EXT2: variants seen among roughly 807,000 people sequenced by gnomAD.
EXT2 encodes exostosin-2.
EXT2 carries 53 observed loss-of-function variants against 81.6 expected under a neutral mutation model. That is an observed-to-expected ratio of 0.65 (90% confidence interval 0.52 to 0.82). EXT2 has a LOEUF of 0.82. Ranked by LOEUF, EXT2 falls within the 40% of genes least tolerant of loss-of-function variation. The pLI, the probability that EXT2 is intolerant of heterozygous loss-of-function variation, is 0.00. For missense variants in EXT2, 774 were observed against 910.2 expected, an observed-to-expected ratio of 0.85 and a Z score of 1.93; for synonymous variants, 320 against 340.0, an observed-to-expected ratio of 0.94 and a Z score of 0.65.
rs1383026378 is a variant in EXT2 at position 44,220,730 on chromosome 11, G to A, written c.1663-11623G>A. Reference sequence around the variant, plus strand: ...AGCTTGCATTGATTTACACCCCCAAGACTCACAGGGACCTGGAGAGAAAAT... The same window carrying A: ...AGCTTGCATTGATTTACACCCCCAAAACTCACAGGGACCTGGAGAGAAAAT... On this transcript the variant is annotated intron_variant, in intron 10 of 13. Coordinates refer to ENST00000533608, the MANE Select transcript of EXT2 (RefSeq NM_207122.2). This position sits in a 1 kb window ranked among gnomAD's most constrained non-coding sequence, Gnocchi z 4.4. 6.6e-6 allele frequency among the ~76,000 whole-genome samples: 1 copy of A among 152,142 alleles called. No homozygotes were observed. Among genetic ancestry groups the A allele is most frequent in the Non-Finnish European group, 1.5e-5 (1 of 68,032 alleles).
chr11:44,117,068 C>T (rs1414171558), intron 4 of EXT2, among the ~76,000 whole-genome samples: 1 of 151,188 alleles, frequency 6.6e-6, no homozygotes, highest in South Asian at 2.1e-4. Flanking sequence ...CTCCCAGATT[C>T]AAGCGATTCT....
At chr11:44,162,766 G>T (rs1457815430) in intron 7 of EXT2, among the ~76,000 whole-genome samples, 1 of 152,030 alleles carries the variant, frequency 6.6e-6, no homozygotes, top group South Asian at 2.1e-4. Context: ...GTAACTGATA[G>T]GTGAAGATGG....
intron 3 of EXT2, among the ~76,000 whole-genome samples, chr11:44,113,895 G>A (rs1470488833): frequency 6.6e-6 from 1 of 152,112 alleles, no homozygotes; most frequent in African/African-American, 2.4e-5. Context: ...ATCTGAGGGA[G>A]GTAGCAGAGA....
Position 44,244,256 on chromosome 11 carries a change from T to A in EXT2, c.2126T>A (p.Leu709Gln), listed in dbSNP as rs1956072366. Residue 709 changes from leucine (L) to glutamine (Q), a missense_variant, in exon 14 of 14, where the codon CTG becomes CAG. Leu to Gln is a moderately radical substitution (Grantham distance 113). Around this residue, in one of 2 missense-constraint regions of EXT2, gnomAD observed 148 missense variants for 239.7 expected, o/e 0.62. Transcript: ENST00000533608. ...VLYKDDFPEK[L>Q]KSFPNIGSL ...TACAAAGATGACTTTCCTGAGAAGC[T>A]GAAGAGCTTCCCCAACATTGGCAGC... 1.2e-6 allele frequency: 2 copies of A among 1,614,100 alleles called. No individual in the cohort carries two copies. Among genetic ancestry groups the A allele is most frequent in the Non-Finnish European group, 1.7e-6 (2 of 1,179,988 alleles).
At chr11:44,224,196 G>A (rs1955814396) in intron 10 of EXT2, among the ~76,000 whole-genome samples, 1 of 152,128 alleles carries the variant, frequency 6.6e-6, no homozygotes, top group Non-Finnish European at 1.5e-5. Flanking sequence ...GTATCTGTGA[G>A]TCAGATGCAT....
chr11:44,158,681 CTAA>C (rs1425756233), intron 7 of EXT2, among the ~76,000 whole-genome samples: 1 of 151,432 alleles, frequency 6.6e-6, no homozygotes, highest in Non-Finnish European at 1.5e-5. Context: ...TGCTTTTTCT[CTAA>C]TGCTCTTTCT....
intron 8 of EXT2, among the ~76,000 whole-genome samples, chr11:44,179,195 C>T (rs768659405): frequency 2.6e-5 from 4 of 152,084 alleles, no homozygotes; most frequent in Admixed American, 6.5e-5. Context: ...TATGAAAAGA[C>T]GGACTCGAGG....
intron 4 of EXT2, among the ~76,000 whole-genome samples, chr11:44,119,260 G>A (rs1457061285): frequency 6.7e-6 from 1 of 150,018 alleles, no homozygotes; most frequent in East Asian, 2.0e-4. Flanking sequence ...CAGTTACTAT[G>A]ATTTGCCAGG....
chr11:44,229,147 A>C (rs1273550773), intron 10 of EXT2, among the ~76,000 whole-genome samples: 1 of 152,186 alleles, frequency 6.6e-6, no homozygotes, highest in Non-Finnish European at 1.5e-5. Flanking sequence ...TGACTTGAAC[A>C]GGCAGGTGCT....
At chr11:44,148,465 G>A (rs183902186) in intron 7 of EXT2, among the ~76,000 whole-genome samples, 22 of 152,296 alleles carry the variant, frequency 1.4e-4, no homozygotes, top group African/African-American at 5.1e-4. Flanking sequence ...TTAGGAATCT[G>A]TGCAGCACCA....
At chr11:44,225,460 G>A (rs1176743213) in intron 10 of EXT2, among the ~76,000 whole-genome samples, 1 of 152,114 alleles carries the variant, frequency 6.6e-6, no homozygotes, top group African/African-American at 2.4e-5. Context: ...GAAGACTGAT[G>A]GGAGCAAAGG....
At chr11:44,243,618 C>CTTTTTTTTTTT (rs1215047805) in intron 13 of EXT2, among the ~76,000 whole-genome samples, 2 of 72,896 alleles carry the variant, frequency 2.7e-5, no homozygotes, top group African/African-American at 5.6e-5. Flanking sequence ...GCCCTGTCAC[C>CTTTTTTTTTTT]TTTTTTTTTT....
At chr11:44,119,297 G>A (rs1186694134) in intron 4 of EXT2, among the ~76,000 whole-genome samples, 1 of 151,526 alleles carries the variant, frequency 6.6e-6, no homozygotes, top group Non-Finnish European at 1.5e-5. Context: ...GCATATAATT[G>A]TACTAACGTC....
chr11:44,148,568 C>G (rs1041159829), intron 7 of EXT2, among the ~76,000 whole-genome samples: 8 of 152,130 alleles, frequency 5.3e-5, no homozygotes, highest in Admixed American at 5.2e-4. Context: ...GTCAGTGGCT[C>G]AATTTTCTCA....
At chr11:44,148,720 T>C (rs1412982092) in intron 7 of EXT2, among the ~76,000 whole-genome samples, 2 of 152,234 alleles carry the variant, frequency 1.3e-5, no homozygotes, top group African/African-American at 4.8e-5. Flanking sequence ...GGTATAGTTC[T>C]GAGTGCTATA....
intron 4 of EXT2, chr11:44,116,636 G>A (rs1954224643): frequency 6.6e-6 from 1 of 152,168 alleles, no homozygotes; most frequent in Admixed American, 6.5e-5. Context: ...CCATGTATGA[G>A]GGTTTCGATT....
At chr11:44,212,855 G>A (rs935209867) in intron 10 of EXT2, among the ~76,000 whole-genome samples, 2 of 152,288 alleles carry the variant, frequency 1.3e-5, no homozygotes, top group South Asian at 4.1e-4. Flanking sequence ...CCGTGTATAT[G>A]AAATTCTAGA....
intron 7 of EXT2, among the ~76,000 whole-genome samples, chr11:44,143,958 T>C (rs955347497): frequency 4.6e-5 from 7 of 152,164 alleles, no homozygotes; most frequent in Non-Finnish European, 7.3e-5. Context: ...GGGGATAAAG[T>C]GAGCTTTTGA....
At position 44,109,202 on chromosome 11, in the gene EXT2, G is replaced by A. The variant is rs563383543; in HGVS notation, c.545G>A (p.Arg182Gln). The A allele has an allele frequency of 2.5e-5, 40 of 1,613,918 alleles. No individual in the cohort carries two copies. The East Asian group carries it at 6.7e-4, about 27-fold the overall frequency. ...TTTAAATTTCTTGACAGGTGGGATC[G>A]AGGTACGAATCACCTGTTGTTCAAC... ...QAMAQLSRWD[R>Q]GTNHLLFNML... is the part of the protein sequence containing the mutation. Residue 182 changes from arginine to glutamine, a missense_variant, in exon 3 of 14, where the codon CGA (arginine) becomes CAA (glutamine). By Grantham distance (43) the Arg-to-Gln change is conservative. Around this residue, in one of 2 missense-constraint regions of EXT2, gnomAD observed 626 missense variants for 670.5 expected, o/e 0.93. Transcript: ENST00000533608.
Sources: gnomAD v4.1 joint callset for allele counts (sites outside exome capture counted in the v4.1 genomes callset) on GRCh38, gnomAD v4.1.1 for gene constraint, gnomAD v4.1.1 regional missense constraint, Gnocchi (gnomAD v3.1) non-coding constraint, MANE v1.5 for transcripts, NCBI Gene and HGNC (gene_info 2026-07-23, HGNC 2026-07-21) for gene names.